RTF2: variants seen among roughly 807,000 people sequenced by gnomAD.
RTF2 encodes UPF0549 protein C20orf43.
In RTF2, 18 loss-of-function variants were observed where a neutral mutation model predicts 38.0. The ratio of observed to expected loss-of-function variants is 0.47; its 90% confidence interval spans 0.33 to 0.70. RTF2 has a LOEUF of 0.70. Among genes scored for constraint, RTF2 ranks in the 30% least tolerant of loss-of-function variants. The probability of loss-of-function intolerance (pLI) is 0.02; values close to 1 mark genes in which losing one functional copy is unlikely to be tolerated. For synonymous variants in RTF2, 126 were observed against 137.1 expected (o/e 0.92, Z 0.57); for missense variants, 311 against 379.6 (o/e 0.82, Z 1.50).
chr20:56,468,845 G>A (rs968017159), intron 1 of RTF2, 79 bp downstream of exon 1: 1 of 1,239,296 alleles, frequency 8.1e-7, no homozygotes, highest in Admixed American at 2.2e-5. Flanking sequence ...GAAGTAAGAA[G>A]GGGGAGCCAG....
intron 5 of RTF2, chr20:56,495,399 A>G: frequency 1.1e-6 from 1 of 893,848 alleles, no homozygotes; most frequent in Non-Finnish European, 1.8e-6. Flanking sequence ...TAGATGAGGT[A>G]GTCAATGAGA....
At position 56,473,367 on chromosome 20, in the gene RTF2, C is replaced by T. The variant is rs1220633709; in HGVS notation, c.136C>T (p.Arg46Ter). 4 of 1,612,754 alleles carry T rather than the reference C, an allele frequency of 2.5e-6. No homozygotes were observed. Among genetic ancestry groups the T allele is most frequent in the South Asian group, 1.1e-5 (1 of 91,060 alleles). Residue 46 changes from arginine to a stop codon, truncating the protein, a stop_gained, in exon 2 of 9, where the codon CGA becomes TGA. Transcript: ENST00000357348. LOFTEE classifies it high-confidence loss of function. ...YCTLSQEILRRPIVACELGRL... is the reference protein window; with the variant it reads ...YCTLSQEILR ...TACTCTAAGTCAGGAAATATTAAGA[C>T]GACCAATAGTTGCCTGTGAACTTGG...
intron 3 of RTF2, among the ~76,000 whole-genome samples, chr20:56,475,147 G>C (rs1387921283): frequency 1.3e-5 from 2 of 152,224 alleles, no homozygotes; most frequent in Non-Finnish European, 2.9e-5. Context: ...ACCATCTGGT[G>C]ATTAGAGGTT....
intron 5 of RTF2, among the ~76,000 whole-genome samples, chr20:56,487,180 A>G (rs12481624): frequency 0.27 from 41,436 of 152,158 alleles, 6,926 homozygotes; most frequent in South Asian, 0.43. Context: ...ACTAATAACC[A>G]TGATGACACG....
At chr20:56,477,281 G>A (rs543606726) in intron 4 of RTF2, among the ~76,000 whole-genome samples, 157 bp downstream of exon 4, 1 of 152,272 alleles carries the variant, frequency 6.6e-6, no homozygotes, top group African/African-American at 2.4e-5. Context: ...TCATGAGCAC[G>A]TTCATTTCCG....
At chr20:56,477,516 T>C (rs545312015) in intron 4 of RTF2, among the ~76,000 whole-genome samples, 1 of 152,324 alleles carries the variant, frequency 6.6e-6, no homozygotes, top group South Asian at 2.1e-4. Flanking sequence ...TTACTAATTT[T>C]TAATTTTTAT....
In RTF2 at chr20:56,491,799, C is replaced by A. The variant is rs1204872501; in HGVS notation, c.477+7610C>A. 3 of 1,534,924 alleles carry A rather than the reference C, an allele frequency of 2.0e-6. No homozygotes were observed. In the Admixed American group the frequency reaches 5.9e-5, roughly 30 times the overall value. Reference sequence around the variant, plus strand: ...ACGTAGCGGCCTGCAGAAAGAAACACAAAAACCTAGCTGCCTTTGTTTCCT... The same window carrying A: ...ACGTAGCGGCCTGCAGAAAGAAACAAAAAAACCTAGCTGCCTTTGTTTCCT... On this transcript the variant is annotated intron_variant, in intron 5 of 8. Coordinates refer to ENST00000357348, the MANE Select transcript of RTF2 (RefSeq NM_016407.5).
At chr20:56,473,163 C>G in intron 1 of RTF2, 138 bp from the exon 2 acceptor site, 2 of 620,302 alleles carry the variant, frequency 3.2e-6, no homozygotes, top group Non-Finnish European at 5.6e-6. Flanking sequence ...AAAAACCCAA[C>G]TTCCTATGTC....
At chr20:56,485,162 T>C (rs2146328533) in intron 5 of RTF2, among the ~76,000 whole-genome samples, 1 of 152,038 alleles carries the variant, frequency 6.6e-6, no homozygotes, top group Admixed American at 6.5e-5. Context: ...GGCCATGTGA[T>C]GGAGGGAGAG....
chr20:56,502,187 CT>C (rs1276439679), intron 5 of RTF2, among the ~76,000 whole-genome samples: 3 of 152,150 alleles, frequency 2.0e-5, no homozygotes, highest in African/African-American at 7.2e-5. Flanking sequence ...TGGTGGTTAA[CT>C]TTTTTCCCGT....
intron 5 of RTF2, among the ~76,000 whole-genome samples, chr20:56,494,675 G>T (rs536542809): frequency 3.0e-4 from 45 of 152,322 alleles, no homozygotes; most frequent in Middle Eastern, 3.4e-3. Flanking sequence ...CAGGAGGGTG[G>T]CTGTGCACAT....
At position 56,515,665 on chromosome 20, in the gene RTF2, G is replaced by GACACACACACACACAC. The variant is rs11474559; in HGVS notation, c.592-1257_592-1242dup. On this transcript the variant is annotated intron_variant, in intron 6 of 8. Transcript: ENST00000357348. ...ACAGTGAGATTCTGTCTCAGACAGA[G>GACACACACACACACAC]ACACACACACACACACACACACACA... 1.6e-4 allele frequency: 23 copies of GACACACACACACACAC among 145,778 alleles called. No individual in the cohort carries two copies. The East Asian group carries it at 3.6e-3, about 23-fold the overall frequency. 9.0% of individuals were successfully genotyped at this position (145,778 alleles called of 1,614,324 possible).
chr20:56,484,239 C>G, intron 5 of RTF2, 50 bp downstream of exon 5: 16 of 1,458,026 alleles, frequency 1.1e-5, no homozygotes, highest in Non-Finnish European at 1.5e-5. Flanking sequence ...CTGAGGAAAT[C>G]AGATGGTTTA....
chr20:56,497,734 T>A, intron 5 of RTF2: 2 of 548,320 alleles, frequency 3.6e-6, no homozygotes, highest in Non-Finnish European at 5.6e-6. Flanking sequence ...TGAAATACAC[T>A]AAACTACATA....
At chr20:56,485,611 G>C (rs560730917) in intron 5 of RTF2, among the ~76,000 whole-genome samples, 1 of 152,276 alleles carries the variant, frequency 6.6e-6, no homozygotes, top group South Asian at 2.1e-4. Flanking sequence ...GGGGCGGTGA[G>C]TTATGTCCAG....
Position 56,518,276 on chromosome 20 carries a change from G to A in RTF2, c.*11G>A, listed in dbSNP as rs375624115. ...TCCTACTGCTTCTGAAGCCCGCACT[G>A]CCACCGCTCCTGCCCCAGAAGGTTG... On this transcript the variant is annotated 3_prime_UTR_variant, in exon 9 of 9. Transcript: ENST00000357348. 5.3e-5 allele frequency: 85 copies of A among 1,606,160 alleles called. No homozygotes were observed. Among genetic ancestry groups the A allele is most frequent in the Non-Finnish European group, 6.8e-6 (8 of 1,177,104 alleles).
intron 5 of RTF2, among the ~76,000 whole-genome samples, chr20:56,500,575 C>T (rs567802940): frequency 6.6e-6 from 1 of 152,306 alleles, no homozygotes; most frequent in Middle Eastern, 3.4e-3. Flanking sequence ...GTTTTTCCCT[C>T]CCCTGTATAG....
intron 6 of RTF2, chr20:56,515,840 C>A (rs1244449659): frequency 6.6e-6 from 1 of 152,264 alleles, no homozygotes; most frequent in Non-Finnish European, 1.5e-5. Context: ...GCAAAATATT[C>A]TCCAGAGCTT....
intron 1 of RTF2, among the ~76,000 whole-genome samples, chr20:56,469,743 G>A (rs1056349560): frequency 6.6e-5 from 10 of 151,912 alleles, no homozygotes; most frequent in Admixed American, 1.3e-4. Flanking sequence ...ATAAAATCTC[G>A]TCAGACCCTT....
Sources: allele counts gnomAD v4.1 joint callset (sites outside exome capture counted in the v4.1 genomes callset), GRCh38; gene constraint gnomAD v4.1.1; transcripts MANE v1.5; gene names NCBI Gene and HGNC (gene_info 2026-07-23, HGNC 2026-07-21).